DCAF4: variants seen among roughly 807,000 people sequenced by gnomAD.
DCAF4 encodes the protein DDB1 and CUL4 associated factor 4, also known as DDB1- and CUL4-associated factor 4.
Under a neutral mutation model 60.9 loss-of-function variants are expected in DCAF4, and 37 were observed. The observed-to-expected ratio is 0.61, with a 90% CI of 0.47 to 0.80. The LOEUF is 0.80. Ranked by LOEUF, DCAF4 falls within the 30% of genes least tolerant of loss-of-function variation. The pLI, the probability that DCAF4 is intolerant of heterozygous loss-of-function variation, is 0.00. For synonymous variants in DCAF4, 243 were observed against 254.8 expected (o/e 0.95, Z 0.44); for missense variants, 577 against 650.0 (o/e 0.89, Z 1.22).
At chr14:72,938,559 C>G (rs1226008114) in intron 2 of DCAF4, among the ~76,000 whole-genome samples, 1 of 152,120 alleles carries the variant, frequency 6.6e-6, no homozygotes, top group Non-Finnish European at 1.5e-5. Flanking sequence ...AACATCATAG[C>G]ACATACGTAA....
At chr14:72,939,738 C>T (rs2140229695) in intron 2 of DCAF4, 64 bp from the exon 3 acceptor site, 8 of 1,427,656 alleles carry the variant, frequency 5.6e-6, no homozygotes, top group East Asian at 5.0e-5. Context: ...GGACTCCCTG[C>T]CCCCGTCAGA....
At chr14:72,961,129 C>G (rs1256292334), downstream of DCAF4, among the ~76,000 whole-genome samples, 2 of 151,990 alleles carry the variant, frequency 1.3e-5, no homozygotes, top group African/African-American at 4.8e-5. Flanking sequence ...TCAAGTGATC[C>G]TCTGGCCTCA....
chr14:72,949,445 G>C (rs1038924699), intron 8 of DCAF4, among the ~76,000 whole-genome samples: 2 of 152,060 alleles, frequency 1.3e-5, no homozygotes, highest in African/African-American at 4.8e-5. Context: ...GAAAGAGAGA[G>C]ACCCTGTCTC....
chr14:72,942,782 C>G, intron 5 of DCAF4: 1 of 554,642 alleles, frequency 1.8e-6, no homozygotes, highest in Non-Finnish European at 3.2e-6. Context: ...AATGGGCCAC[C>G]CACTTCTTCA....
intron 1 of DCAF4, chr14:72,929,705 T>C: frequency 1.6e-6 from 2 of 1,268,184 alleles, no homozygotes; most frequent in East Asian, 4.7e-5. Flanking sequence ...TCCCCACCCT[T>C]TTCTTGATGA....
intron 1 of DCAF4, among the ~76,000 whole-genome samples, chr14:72,937,671 G>A (rs548170108): frequency 4.6e-5 from 7 of 152,114 alleles, no homozygotes; most frequent in East Asian, 1.9e-4. Context: ...CGCCTGCCTC[G>A]GCCTCCCAAA....
intron 1 of DCAF4, among the ~76,000 whole-genome samples, chr14:72,927,414 C>G (rs2098321): frequency 8.8e-5 from 13 of 147,190 alleles, no homozygotes; most frequent in Admixed American, 2.7e-4. Context: ...TGCAGTGGCA[C>G]GATCTCGACT....
intron 1 of DCAF4, 89 bp downstream of exon 1, chr14:72,926,632 G>A (rs1887584858): frequency 6.6e-6 from 1 of 152,252 alleles, no homozygotes; most frequent in Non-Finnish European, 1.5e-5. Context: ...AGACAGGCGC[G>A]GCGAGGAAGG....
In DCAF4 at chr14:72,933,395, C is replaced by T. The variant is rs866708107; in HGVS notation, c.-8-4576C>T. 6.6e-5 allele frequency among the ~76,000 whole-genome samples: 10 copies of T among 152,240 alleles called. No homozygotes were observed. In the South Asian group the frequency reaches 8.3e-4, roughly 13 times the overall value. ...CCATTATGGTGAAACCACATCTCTACTAAAAATACAAAAATGAGCCAGGCA... is the reference window on the plus strand; with the variant it reads ...CCATTATGGTGAAACCACATCTCTATTAAAAATACAAAAATGAGCCAGGCA... On this transcript the variant is annotated intron_variant, in intron 1 of 13. Transcript: ENST00000358377.
intron 1 of DCAF4, among the ~76,000 whole-genome samples, chr14:72,927,155 G>T (rs1191916125): frequency 6.6e-6 from 1 of 152,160 alleles, no homozygotes; most frequent in Non-Finnish European, 1.5e-5. Flanking sequence ...GCCACGCCTC[G>T]TGGGCTCCCC....
At chr14:72,954,569 A>G (rs1465395107) in intron 11 of DCAF4, 86 bp downstream of exon 11, 7 of 1,238,886 alleles carry the variant, frequency 5.7e-6, no homozygotes, top group Non-Finnish European at 8.2e-6. Context: ...TCTGTGTGCC[A>G]TCTAGTACTC....
intron 11 of DCAF4, among the ~76,000 whole-genome samples, 161 bp from the exon 12 acceptor site, chr14:72,955,362 T>G (rs1892126757): frequency 6.6e-6 from 1 of 151,966 alleles, no homozygotes; most frequent in African/African-American, 2.4e-5. Flanking sequence ...GGAATCATCC[T>G]CCCTTCCAAC....
At chr14:72,935,612 C>T (rs1435270133) in intron 1 of DCAF4, among the ~76,000 whole-genome samples, 1 of 152,240 alleles carries the variant, frequency 6.6e-6, no homozygotes, top group African/African-American at 2.4e-5. Flanking sequence ...GGCAGGCTCC[C>T]TTACCAGATT....
In DCAF4 at chr14:72,958,676, C is replaced by A. The variant is rs546073454; in HGVS notation, c.1359C>A (p.Pro453=). 3 of 1,614,238 alleles carry A rather than the reference C, an allele frequency of 1.9e-6. No homozygotes were observed. The highest frequency in any genetic ancestry group is 2.5e-6 in the Non-Finnish European group (3 of 1,180,040). ...ATGCCCGCCTACTGAGAACCATACC[C>A]TCCCCGTACCCTGCCTCCAAGGCCG... is the stretch of plus-strand genomic sequence containing the variant. ...LHDARLLRTI[P]SPYPASKADI... is the part of the protein sequence containing the mutation. Residue 453 remains proline, a synonymous_variant, in exon 14 of 14, where the codon CCC becomes CCA. Transcript: ENST00000358377.
At chr14:72,954,062 C>T (rs981015869) in intron 9 of DCAF4, 102 bp from the exon 10 acceptor site, 54 of 1,240,766 alleles carry the variant, frequency 4.4e-5, no homozygotes, top group Middle Eastern at 2.7e-4. Flanking sequence ...AGGTATAGAC[C>T]CTCTGAGCAG....
At chr14:72,943,343 C>T (rs1431923339) in intron 6 of DCAF4, among the ~76,000 whole-genome samples, 1 of 152,190 alleles carries the variant, frequency 6.6e-6, no homozygotes, top group African/African-American at 2.4e-5. Flanking sequence ...ACGTCAGAGT[C>T]TGGACCCAGC....
intron 8 of DCAF4, among the ~76,000 whole-genome samples, chr14:72,951,150 T>G (rs1418533239): frequency 6.6e-6 from 1 of 151,942 alleles, no homozygotes; most frequent in Non-Finnish European, 1.5e-5. Flanking sequence ...CCAGCTAGTT[T>G]TTGTATTTTT....
chr14:72,942,721 A>C, intron 5 of DCAF4: 1 of 437,262 alleles, frequency 2.3e-6, no homozygotes, highest in South Asian at 2.4e-5. Flanking sequence ...AAGGAGCTGT[A>C]CTGAATGATG....
chr14:72,954,124 G>C, intron 9 of DCAF4, 40 bp from the exon 10 acceptor site: 7 of 1,600,236 alleles, frequency 4.4e-6, no homozygotes, highest in African/African-American at 1.3e-5. Context: ...GGCCTGCCTA[G>C]AAGGCAGCCA....
Sources: gnomAD v4.1 joint callset for allele counts (sites outside exome capture counted in the v4.1 genomes callset) on GRCh38, gnomAD v4.1.1 for gene constraint, MANE v1.5 for transcripts, NCBI Gene and HGNC (gene_info 2026-07-23, HGNC 2026-07-21) for gene names.